The following CDIP1 variants were observed in gnomAD, a reference collection of about 807,000 sequenced individuals.
The protein encoded by CDIP1 is cell death-inducing p53-target protein 1.
CDIP1 carries 9 observed loss-of-function variants against 17.7 expected under a neutral mutation model. The observed-to-expected ratio is 0.51, with a 90% CI of 0.31 to 0.89. CDIP1 has a LOEUF of 0.89. CDIP1 is among the 40% of genes least tolerant of loss of function. CDIP1 has a pLI of 0.05. For synonymous variants in CDIP1, 117 were observed against 109.5 expected (o/e 1.07, Z -0.43); for missense variants, 263 against 277.9 (o/e 0.95, Z 0.38).
chr16:4,538,094 C>T (rs1468954474), intron 1 of CDIP1, among the ~76,000 whole-genome samples: 1 of 152,176 alleles, frequency 6.6e-6, no homozygotes, highest in Non-Finnish European at 1.5e-5. Flanking sequence ...CTCCCCGTCT[C>T]GCCCTGCAAG....
chr16:4,521,588 T>C (rs1024082679), intron 1 of CDIP1, among the ~76,000 whole-genome samples: 1 of 150,454 alleles, frequency 6.6e-6, no homozygotes, highest in African/African-American at 2.5e-5. Context: ...CTGGGCCAGG[T>C]GTGGTGGCTC....
intron 1 of CDIP1, chr16:4,536,316 A>G (rs2059105542): frequency 6.6e-6 from 1 of 152,162 alleles, no homozygotes; most frequent in Non-Finnish European, 1.5e-5. Context: ...CCTGGGCCCA[A>G]GGGTCTCAAA....
At chr16:4,538,641 C>T (rs2059138195) in intron 1 of CDIP1, 61 bp downstream of exon 1, 3 of 152,288 alleles carry the variant, frequency 2.0e-5, no homozygotes, top group African/African-American at 7.2e-5. Flanking sequence ...CGCCCAGACC[C>T]TTCCCCCGGG....
intron 1 of CDIP1, among the ~76,000 whole-genome samples, chr16:4,535,492 C>A (rs947599086): frequency 6.6e-6 from 1 of 152,250 alleles, no homozygotes; most frequent in African/African-American, 2.4e-5. Context: ...GCTTTGTCTG[C>A]CGTCAGGGAC....
chr16:4,519,395 A>T (rs1009593275), intron 1 of CDIP1, among the ~76,000 whole-genome samples: 1 of 147,850 alleles, frequency 6.8e-6, no homozygotes, highest in Admixed American at 6.6e-5. Context: ...GCTCAGTTCC[A>T]TGACTGCCCC....
At chr16:4,534,702 T>TTG (rs1555502559) in intron 1 of CDIP1, among the ~76,000 whole-genome samples, 24 of 147,496 alleles carry the variant, frequency 1.6e-4, no homozygotes, top group African/African-American at 4.8e-4. Context: ...TTTTTTTTTT[T>TTG]TTTTTTTTTT....
Position 4,513,421 on chromosome 16 carries a change from AC to A in CDIP1, c.241+274del, listed in dbSNP as rs2058854029. Among the ~76,000 whole-genome samples the A allele has an allele frequency of 6.6e-6, 1 of 151,550 alleles. No homozygotes were observed. Among genetic ancestry groups the A allele is most frequent in the East Asian group, 1.9e-4 (1 of 5,136 alleles). On this transcript the variant is annotated intron_variant, in intron 4 of 5. Transcript: ENST00000567695. This position sits in a 1 kb window ranked among gnomAD's most constrained non-coding sequence, Gnocchi z 4.1. ...AGAGGGAAAGCCTTGCGGGTCACCC[AC>A]CCCTCTCCTGCACACAAGGCGCCCC...
In CDIP1 at chr16:4,514,391, C is replaced by G. The variant is rs2058867456; in HGVS notation, c.-15+184G>C. 6.6e-6 allele frequency among the ~76,000 whole-genome samples: 1 copy of G among 152,230 alleles called. No homozygotes were observed. Among genetic ancestry groups the G allele is most frequent in the African/African-American group, 2.4e-5 (1 of 41,462 alleles). On this transcript the variant is annotated intron_variant, in intron 2 of 5. Transcript: ENST00000567695. This position sits in a 1 kb window ranked among gnomAD's most constrained non-coding sequence, Gnocchi z 5.2. ...AAGGGCAAGGACAGAACCCAGGAAGCAGGGCCCAGTGAGGTAAAGTCCCCC... is the reference window on the plus strand; with the variant it reads ...AAGGGCAAGGACAGAACCCAGGAAGGAGGGCCCAGTGAGGTAAAGTCCCCC...
intron 1 of CDIP1, among the ~76,000 whole-genome samples, chr16:4,515,570 G>A (rs2058879377): frequency 6.6e-6 from 1 of 152,108 alleles, no homozygotes; most frequent in Admixed American, 6.6e-5. Context: ...GAAATACAAA[G>A]AACTCAACTC....
At chr16:4,517,200 T>C (rs763910140) in intron 1 of CDIP1, among the ~76,000 whole-genome samples, 2 of 152,256 alleles carry the variant, frequency 1.3e-5, no homozygotes, top group Non-Finnish European at 2.9e-5. Context: ...TGCCAATTTA[T>C]AGTGCCAGTT....
At chr16:4,528,187 TA>T (rs2059019674) in intron 1 of CDIP1, among the ~76,000 whole-genome samples, 1 of 152,238 alleles carries the variant, frequency 6.6e-6, no homozygotes, top group South Asian at 2.1e-4. Context: ...AAAAAAGCAG[TA>T]GCACAGTGTG....
rs1185116773 is a variant in CDIP1, at chr16:4,512,851, T to G, written c.455A>C (p.Lys152Thr). Residue 152 changes from lysine to threonine, a missense_variant, in exon 5 of 6, where the codon AAG becomes ACG. Coordinates refer to ENST00000567695, the MANE Select transcript of CDIP1 (RefSeq NM_013399.3). This position sits in a 1 kb window ranked among gnomAD's most constrained non-coding sequence, Gnocchi z 4.6. The part of the protein sequence containing the change: ...CPHCQQAITT[K>T]ISYEIGLMNF... ...CATCAAGCCAATCTCGTAGGAGATCTTGGTGGTGATGGCCTGCTGGCAGTG... is the reference window on the plus strand; with the variant it reads ...CATCAAGCCAATCTCGTAGGAGATCGTGGTGGTGATGGCCTGCTGGCAGTG... 6.4e-7 allele frequency: 1 copy of G among 1,562,402 alleles called. No homozygotes were observed. Among genetic ancestry groups the G allele is most frequent in the South Asian group, 1.2e-5 (1 of 85,284 alleles).
At chr16:4,524,101 C>T (rs1221696709) in intron 1 of CDIP1, 2 of 152,230 alleles carry the variant, frequency 1.3e-5, no homozygotes, top group East Asian at 1.9e-4. Flanking sequence ...GACCCTGCCT[C>T]GCCGCTGATG....
chr16:4,537,307 G>T (rs949745595), intron 1 of CDIP1, among the ~76,000 whole-genome samples: 1 of 152,164 alleles, frequency 6.6e-6, no homozygotes, highest in Non-Finnish European at 1.5e-5. Context: ...TTCAACTTTT[G>T]TATGTTTCAC....
intron 1 of CDIP1, among the ~76,000 whole-genome samples, chr16:4,523,338 A>AC (rs1337378842): frequency 2.0e-5 from 3 of 151,938 alleles, no homozygotes; most frequent in African/African-American, 4.8e-5. Context: ...ACACGGTGAA[A>AC]CCCCGTCTCT....
chr16:4,517,910 C>T (rs1195047521), intron 1 of CDIP1, among the ~76,000 whole-genome samples: 3 of 152,282 alleles, frequency 2.0e-5, no homozygotes, highest in Non-Finnish European at 4.4e-5. Flanking sequence ...TGCTCCAATA[C>T]GTTGAGTTGG....
At chr16:4,523,215 G>C (rs2058968726) in intron 1 of CDIP1, among the ~76,000 whole-genome samples, 2 of 152,160 alleles carry the variant, frequency 1.3e-5, no homozygotes, top group African/African-American at 4.8e-5. Flanking sequence ...TACAGGCTGG[G>C]GATTAAAGAC....
intron 1 of CDIP1, among the ~76,000 whole-genome samples, chr16:4,530,718 G>A (rs1443393512): frequency 1.3e-5 from 2 of 152,004 alleles, no homozygotes; most frequent in Non-Finnish European, 2.9e-5. Flanking sequence ...GCTCAGGACT[G>A]TAATCTCAGC....
chr16:4,517,812 T>A (rs2058903821), intron 1 of CDIP1, among the ~76,000 whole-genome samples: 1 of 151,680 alleles, frequency 6.6e-6, no homozygotes, highest in African/African-American at 2.4e-5. Context: ...TGGGGTCCCT[T>A]GCCCAGGCTG....
Sources: allele counts gnomAD v4.1 joint callset (sites outside exome capture counted in the v4.1 genomes callset), GRCh38; gene constraint gnomAD v4.1.1; non-coding constraint Gnocchi (gnomAD v3.1); transcripts MANE v1.5; gene names NCBI Gene and HGNC (gene_info 2026-07-23, HGNC 2026-07-21).